Variants in PRKCE observed in about 807,000 individuals in gnomAD.
PRKCE encodes protein kinase C epsilon type.
Under a neutral mutation model 85.4 loss-of-function variants are expected in PRKCE, and 16 were observed. That is an observed-to-expected ratio of 0.19 (90% CI 0.13 to 0.28). The LOEUF (loss-of-function observed/expected upper bound fraction) is 0.28, where lower values mean the gene tolerates loss of function less well. Among genes scored for constraint, PRKCE ranks in the 10% least tolerant of loss-of-function variants. The pLI, the probability that PRKCE is intolerant of heterozygous loss-of-function variation, is 1.00. For synonymous variants in PRKCE, 388 were observed against 371.5 expected, an observed-to-expected ratio of 1.04 and a Z score of -0.51; for missense variants, 573 against 975.2, an observed-to-expected ratio of 0.59 and a Z score of 5.49.
intron 10 of PRKCE, among the ~76,000 whole-genome samples, chr2:46,083,941 C>T (rs569810568): frequency 6.6e-6 from 1 of 152,196 alleles, no homozygotes; most frequent in South Asian, 2.1e-4. Context: ...CAACCCTGGC[C>T]GCACATGGGA....
intron 1 of PRKCE, among the ~76,000 whole-genome samples, chr2:45,797,809 G>T (rs1183939968): frequency 6.6e-6 from 1 of 152,230 alleles, no homozygotes; most frequent in African/African-American, 2.4e-5. Context: ...TTTCAGCATA[G>T]GTACTGCTAT....
At chr2:46,097,515 G>A (rs1173454086) in intron 11 of PRKCE, among the ~76,000 whole-genome samples, 13 of 85,668 alleles carry the variant, frequency 1.5e-4, no homozygotes, top group Non-Finnish European at 3.2e-4. Context: ...GCGAGACTCC[G>A]TCTCAAAAAA....
intron 2 of PRKCE, among the ~76,000 whole-genome samples, chr2:45,911,269 C>T (rs1428919285): frequency 1.3e-5 from 2 of 152,176 alleles, no homozygotes; most frequent in African/African-American, 4.8e-5. Flanking sequence ...CCTGTCTAGC[C>T]CCACTGTTGC....
chr2:45,945,259 C>G (rs1316616253), intron 2 of PRKCE, among the ~76,000 whole-genome samples: 2 of 152,298 alleles, frequency 1.3e-5, no homozygotes, highest in African/African-American at 4.8e-5. Flanking sequence ...GCTGTACAAG[C>G]ATGGCACCAA....
intron 10 of PRKCE, among the ~76,000 whole-genome samples, chr2:46,036,118 C>A (rs1344981171): frequency 1.3e-5 from 2 of 152,284 alleles, no homozygotes; most frequent in South Asian, 4.1e-4. Flanking sequence ...GTGTCCCTGG[C>A]AGATCGAGTG....
chr2:45,719,390 C>T (rs2104445586), intron 1 of PRKCE, among the ~76,000 whole-genome samples: 2 of 152,266 alleles, frequency 1.3e-5, no homozygotes, highest in Middle Eastern at 6.8e-3. Context: ...TTTTTTTATT[C>T]CCCCAATGGG....
intron 11 of PRKCE, among the ~76,000 whole-genome samples, chr2:46,113,405 T>C (rs1395041187): frequency 6.6e-6 from 1 of 152,224 alleles, no homozygotes; most frequent in East Asian, 1.9e-4. Flanking sequence ...TTTATACTAA[T>C]ACCTTCCTCA....
chr2:45,719,279 ACATCTAATCTAAAG>A (rs1232094714), intron 1 of PRKCE, among the ~76,000 whole-genome samples: 1 of 152,232 alleles, frequency 6.6e-6, no homozygotes, highest in East Asian at 1.9e-4. Flanking sequence ...CATCAGATTG[ACATCTAATCTAAAG>A]TGATTGCTTT....
intron 10 of PRKCE, among the ~76,000 whole-genome samples, chr2:46,074,450 A>G (rs991035451): frequency 3.5e-5 from 5 of 141,456 alleles, no homozygotes; most frequent in Middle Eastern, 3.3e-3. Context: ...AAAAAAAAAG[A>G]AAAACACGGA....
intron 10 of PRKCE, among the ~76,000 whole-genome samples, chr2:46,035,902 A>G (rs970662077): frequency 6.6e-6 from 1 of 152,248 alleles, no homozygotes; most frequent in East Asian, 1.9e-4. Context: ...AGCTTCAAGT[A>G]GTGGCAGAAA....
chr2:45,875,519 C>G (rs1352136084), intron 2 of PRKCE, among the ~76,000 whole-genome samples: 1 of 152,194 alleles, frequency 6.6e-6, no homozygotes, highest in Non-Finnish European at 1.5e-5. Context: ...GCAGAGACAC[C>G]TTGCATGTAT....
chr2:45,800,284 A>G (rs1687756149), intron 1 of PRKCE, among the ~76,000 whole-genome samples: 1 of 152,238 alleles, frequency 6.6e-6, no homozygotes, highest in South Asian at 2.1e-4. Context: ...TGAACGGGAA[A>G]GGCTGTTCAG....
At position 45,744,500 on chromosome 2, in the gene PRKCE, T is replaced by TTTTCTTTC. The variant is rs1173068102; in HGVS notation, c.348+92072_348+92079dup. On this transcript the variant is annotated intron_variant, in intron 1 of 14. Coordinates refer to ENST00000306156, the MANE Select transcript of PRKCE (RefSeq NM_005400.3). ...TTCTTTCTTTCTTTTTCTTTCTTTC[T>TTTTCTTTC]TTTCTTTCTTTCTTTCTTTCTTTCT... Among the ~76,000 whole-genome samples, 15 of 84,714 alleles carry TTTTCTTTC rather than the reference T, an allele frequency of 1.8e-4. 1 individual carries two copies. The highest frequency in any genetic ancestry group is 6.9e-4 in the African/African-American group (12 of 17,402). The allele number at this position is 84,714 out of a possible 152,430, so 55.6% of individuals were successfully genotyped here.
At chr2:45,673,786 T>A (rs1676289239) in intron 1 of PRKCE, among the ~76,000 whole-genome samples, 2 of 152,224 alleles carry the variant, frequency 1.3e-5, no homozygotes, top group African/African-American at 4.8e-5. Flanking sequence ...ATTTTCTGAA[T>A]AATATTCTAG....
chr2:45,814,670 T>A (rs1688900387), intron 1 of PRKCE, among the ~76,000 whole-genome samples: 1 of 152,180 alleles, frequency 6.6e-6, no homozygotes, highest in Admixed American at 6.5e-5. Flanking sequence ...TTCGGGGGTG[T>A]GAGCCAGGCA....
At position 45,904,854 on chromosome 2, in the gene PRKCE, G is replaced by C. The variant is rs759506081; in HGVS notation, c.412+61791G>C. Among the ~76,000 whole-genome samples, 107 of 152,192 alleles carry C rather than the reference G, an allele frequency of 7.0e-4. 1 individual carries two copies. Among genetic ancestry groups the C allele is most frequent in the Non-Finnish European group, 1.3e-3 (89 of 68,032 alleles). ...TCCTGATGGCAGGGACCCATGAGAG[G>C]GGGGCTGGGTGAGCCTATGTGCTGT... On this transcript the variant is annotated intron_variant, in intron 2 of 14. Coordinates refer to ENST00000306156, the MANE Select transcript of PRKCE (RefSeq NM_005400.3).
At chr2:46,113,281 C>T (rs951943764) in intron 11 of PRKCE, among the ~76,000 whole-genome samples, 1 of 152,202 alleles carries the variant, frequency 6.6e-6, no homozygotes, top group African/African-American at 2.4e-5. Flanking sequence ...TAGTTAAATG[C>T]AGAACTCTAA....
chr2:46,058,617 A>G (rs1193056062), intron 10 of PRKCE, among the ~76,000 whole-genome samples: 1 of 152,074 alleles, frequency 6.6e-6, no homozygotes, highest in African/African-American at 2.4e-5. Flanking sequence ...GTGTCGGACT[A>G]CTCACCATCA....
At chr2:45,789,888 TTTAGA>T (rs2105080652) in intron 1 of PRKCE, among the ~76,000 whole-genome samples, 1 of 152,356 alleles carries the variant, frequency 6.6e-6, no homozygotes, top group East Asian at 1.9e-4. Context: ...AACTTGTGTC[TTTAGA>T]TTAGCTTTAC....
Sources: gnomAD v4.1 joint callset for allele counts (sites outside exome capture counted in the v4.1 genomes callset) on GRCh38, gnomAD v4.1.1 for gene constraint, MANE v1.5 for transcripts, NCBI Gene and HGNC (gene_info 2026-07-23, HGNC 2026-07-21) for gene names.